The following PCDH15 variants were observed in gnomAD, a reference collection of about 807,000 sequenced individuals.
PCDH15 encodes the protein protocadherin related 15, also known as protocadherin-15.
In PCDH15, 129 loss-of-function variants were observed where a neutral mutation model predicts 178.5. The ratio of observed to expected loss-of-function variants is 0.72; its 90% confidence interval spans 0.63 to 0.84. The LOEUF is 0.84. Ranked by LOEUF, PCDH15 falls within the 40% of genes least tolerant of loss-of-function variation. The pLI, the probability that PCDH15 is intolerant of heterozygous loss-of-function variation, is 0.00. For synonymous variants in PCDH15, 800 were observed against 732.0 expected, an observed-to-expected ratio of 1.09 and a Z score of -1.50; for missense variants, 2,230 against 2,099.9, an observed-to-expected ratio of 1.06 and a Z score of -1.21.
At chr10:54,388,776 C>G (rs1055523540) in intron 3 of PCDH15, among the ~76,000 whole-genome samples, 1 of 152,134 alleles carries the variant, frequency 6.6e-6, no homozygotes, top group African/African-American at 2.4e-5. Context: ...AAGACGTTCT[C>G]TGAGCACATG....
At chr10:54,705,729 A>T (rs2132288765) in intron 1 of PCDH15, among the ~76,000 whole-genome samples, 1 of 152,274 alleles carries the variant, frequency 6.6e-6, no homozygotes, top group Admixed American at 6.5e-5. Context: ...TGATTTGAAG[A>T]ATATTTACTT....
chr10:54,953,516 A>C (rs900310807), intron 2 of PCDH15, among the ~76,000 whole-genome samples: 2 of 151,432 alleles, frequency 1.3e-5, no homozygotes, highest in East Asian at 3.9e-4. Context: ...AATCATTATA[A>C]TACACCTAAT....
chr10:54,311,206 T>C (rs974897127), intron 8 of PCDH15, among the ~76,000 whole-genome samples: 7 of 152,062 alleles, frequency 4.6e-5, no homozygotes, highest in African/African-American at 1.7e-4. Context: ...GAGCAACTGA[T>C]GTTGAAATAC....
intron 2 of PCDH15, among the ~76,000 whole-genome samples, chr10:54,632,825 G>T (rs973616003): frequency 6.6e-6 from 1 of 151,968 alleles, no homozygotes; most frequent in Non-Finnish European, 1.5e-5. Context: ...TCTAAAGTCA[G>T]ACCTGAATAC....
intron 2 of PCDH15, among the ~76,000 whole-genome samples, chr10:55,566,814 T>C (rs555837043): frequency 1.6e-4 from 24 of 152,008 alleles, no homozygotes; most frequent in Middle Eastern, 3.4e-3. Flanking sequence ...CTCATATTCA[T>C]GATTGGAAGA....
At chr10:55,442,257 A>T (rs1839204315) in intron 2 of PCDH15, among the ~76,000 whole-genome samples, 1 of 151,850 alleles carries the variant, frequency 6.6e-6, no homozygotes, top group Admixed American at 6.6e-5. Context: ...GCAGATTTTT[A>T]AGAAATGATG....
intron 3 of PCDH15, among the ~76,000 whole-genome samples, chr10:54,460,678 A>T (rs1565334150): frequency 1.3e-5 from 2 of 152,134 alleles, no homozygotes; most frequent in African/African-American, 4.8e-5. Flanking sequence ...AATGAAAGGC[A>T]TCAGAAATAA....
At position 54,066,857 on chromosome 10, in the gene PCDH15, A is replaced by C. The variant is rs942872443; in HGVS notation, c.2120T>G (p.Val707Gly). ...TGGAGCATTGTCATTGACATCTGTC[A>C]CCACTATGTTTACTGTGGCAGTTGA... ...GTSTATVNIV[V>G]TDVNDNAPVF... Residue 707 changes from valine to glycine, a missense_variant, in exon 18 of 38, where the codon GTG becomes GGG. Transcript: ENST00000644397. 1 of 1,613,338 alleles carries C rather than the reference A, an allele frequency of 6.2e-7. No individual in the cohort carries two copies. Among genetic ancestry groups the C allele is most frequent in the African/African-American group, 1.3e-5 (1 of 74,904 alleles).
At chr10:55,466,092 A>G (rs1839826080) in intron 2 of PCDH15, among the ~76,000 whole-genome samples, 1 of 152,134 alleles carries the variant, frequency 6.6e-6, no homozygotes. Flanking sequence ...GCTCATCATT[A>G]ATGGGGAGCC....
intron 23 of PCDH15, among the ~76,000 whole-genome samples, chr10:53,950,541 T>C (rs2086937216): frequency 6.6e-6 from 1 of 152,176 alleles, no homozygotes; most frequent in Admixed American, 6.5e-5. Context: ...ATAATGCATT[T>C]CCCACTCAAA....
chr10:55,152,072 A>T (rs2132102401), intron 2 of PCDH15, among the ~76,000 whole-genome samples: 1 of 152,210 alleles, frequency 6.6e-6, no homozygotes, highest in African/African-American at 2.4e-5. Flanking sequence ...AAGCACACAG[A>T]GTCTTGGTCA....
At chr10:54,733,897 A>C (rs1943729998) in intron 1 of PCDH15, among the ~76,000 whole-genome samples, 1 of 151,588 alleles carries the variant, frequency 6.6e-6, no homozygotes, top group African/African-American at 2.4e-5. Context: ...ACGTAAAAAC[A>C]AAAATGGACC....
intron 2 of PCDH15, among the ~76,000 whole-genome samples, chr10:55,139,731 T>G (rs759115225): frequency 6.6e-6 from 1 of 152,016 alleles, no homozygotes; most frequent in African/African-American, 2.4e-5. Context: ...TCCTCCCTCT[T>G]TATTTCTATC....
At chr10:53,833,211 C>T (rs1298843318) in intron 29 of PCDH15, among the ~76,000 whole-genome samples, 1 of 151,778 alleles carries the variant, frequency 6.6e-6, no homozygotes, top group Non-Finnish European at 1.5e-5. Flanking sequence ...AAGAATATAC[C>T]CCTACAATGT....
At chr10:55,242,692 GA>G (rs200383288) in intron 1 of PCDH15, among the ~76,000 whole-genome samples, 2 of 146,062 alleles carry the variant, frequency 1.4e-5, no homozygotes, top group African/African-American at 2.6e-5. Context: ...AAATACAAAA[GA>G]AAAAAAAAGT....
intron 2 of PCDH15, among the ~76,000 whole-genome samples, chr10:55,359,488 G>C (rs1565054218): frequency 6.6e-6 from 1 of 151,472 alleles, no homozygotes; most frequent in African/African-American, 2.4e-5. Flanking sequence ...ACTATTGGTG[G>C]ATATGTAAAT....
At chr10:55,479,175 A>G (rs893038321) in intron 2 of PCDH15, among the ~76,000 whole-genome samples, 3 of 151,478 alleles carry the variant, frequency 2.0e-5, no homozygotes, top group Non-Finnish European at 4.4e-5. Context: ...AAAATCAGAT[A>G]GGGATGCAAC....
chr10:55,095,671 CT>C (rs1842433596), intron 2 of PCDH15, among the ~76,000 whole-genome samples: 1 of 152,018 alleles, frequency 6.6e-6, no homozygotes, highest in African/African-American at 2.4e-5. Flanking sequence ...AAATAGCTTT[CT>C]AGGCCAAGTG....
intron 26 of PCDH15, among the ~76,000 whole-genome samples, chr10:53,888,304 A>ATGTATATG (rs367603952): frequency 1.1e-5 from 1 of 88,976 alleles, no homozygotes; most frequent in African/African-American, 5.8e-5. Flanking sequence ...ATATATATAT[A>ATGTATATG]TATATGTATA....
Sources: gnomAD v4.1 joint callset for allele counts (sites outside exome capture counted in the v4.1 genomes callset) on GRCh38, gnomAD v4.1.1 for gene constraint, MANE v1.5 for transcripts, NCBI Gene and HGNC (gene_info 2026-07-23, HGNC 2026-07-21) for gene names.